Variants in RRAGD observed in about 807,000 individuals in gnomAD.
RRAGD encodes ras-related GTP-binding protein D.
A neutral mutation model predicts 35.5 loss-of-function variants in RRAGD; 12 were observed. The observed-to-expected ratio is 0.34, with a 90% CI of 0.22 to 0.55. The LOEUF (loss-of-function observed/expected upper bound fraction) is 0.55, where lower values mean the gene tolerates loss of function less well. Ranked by LOEUF, RRAGD falls within the 20% of genes least tolerant of loss-of-function variation. The pLI is 0.91. For missense variants in RRAGD, 324 were observed against 490.1 expected (o/e 0.66, Z 3.20); for synonymous variants, 155 against 178.9 (o/e 0.87, Z 1.07).
chr6:89,376,290 A>G (rs6454754), intron 5 of RRAGD, among the ~76,000 whole-genome samples: 99,611 of 148,318 alleles, frequency 0.67, 34,056 homozygotes, highest in African/African-American at 0.86. Flanking sequence ...ATCACTTTCC[A>G]TGTGTGTGTG....
intron 1 of RRAGD, among the ~76,000 whole-genome samples, chr6:89,388,169 TCTCAGGCCCACCCTGG>T (rs1412254554): frequency 6.6e-6 from 1 of 152,198 alleles, no homozygotes; most frequent in East Asian, 1.9e-4. Flanking sequence ...GGCAGACATC[TCTCAGGCCCACCCTGG>T]CTCAGGGCCC....
chr6:89,368,267 T>G (rs1582500571), intron 6 of RRAGD, 60 bp from the exon 7 acceptor site: 2 of 1,521,384 alleles, frequency 1.3e-6, no homozygotes, highest in East Asian at 2.3e-5. Flanking sequence ...CATCTTTTCA[T>G]GGGACCCATG....
chr6:89,383,685 T>G (rs1769087274), intron 2 of RRAGD, among the ~76,000 whole-genome samples: 1 of 152,214 alleles, frequency 6.6e-6, no homozygotes. Context: ...CCACTCTTGC[T>G]TTCATTCTTT....
At position 89,387,532 on chromosome 6, in the gene RRAGD, G is replaced by T. The variant is rs371518383; in HGVS notation, c.207C>A (p.Gly69=). 24 of 1,614,132 alleles carry T rather than the reference G, an allele frequency of 1.5e-5. No individual in the cohort carries two copies. The Middle Eastern group carries it at 1.3e-3, about 89-fold the overall frequency. ...TEVKPRILLM[G]LRRSGKSSIQ... is the part of the protein sequence containing the mutation. ...TAGACGACTTGCCGCTTCTCCTCAG[G>T]CCCATGAGCAGGATTCTCGGCTTCA... The change falls in exon 2 of 7, where the codon GGC becomes GGA. Residue 69 remains glycine (G), a synonymous_variant. Transcript: ENST00000369415.
At position 89,379,339 on chromosome 6, in the gene RRAGD, C is replaced by A; in HGVS notation, c.645-1G>T. 6.7e-7 allele frequency: 1 copy of A among 1,482,570 alleles called. No homozygotes were observed. Among genetic ancestry groups the A allele is most frequent in the Non-Finnish European group, 9.3e-7 (1 of 1,069,668 alleles). The allele number at this position is 1,482,570 out of a possible 1,614,324, so 91.8% of individuals were successfully genotyped here. ...ATCATATATGCTTGTCAGATAAAAG[C>A]TGAAAGAGGAAACGGTATTTCATCA... On this transcript the variant is annotated splice_acceptor_variant, in intron 3 of 6. Coordinates refer to ENST00000369415, the MANE Select transcript of RRAGD (RefSeq NM_021244.5). LOFTEE classifies it high-confidence loss of function.
chr6:89,403,877 T>TG (rs1024904089), intron 1 of RRAGD, among the ~76,000 whole-genome samples: 1 of 152,058 alleles, frequency 6.6e-6, no homozygotes, highest in African/African-American at 2.4e-5. Flanking sequence ...AGGCTGGTCT[T>TG]GAACACCTGG....
intron 2 of RRAGD, among the ~76,000 whole-genome samples, chr6:89,386,943 T>C (rs1769146370): frequency 6.6e-6 from 1 of 152,236 alleles, no homozygotes; most frequent in Non-Finnish European, 1.5e-5. Context: ...ATAAACAGTT[T>C]AAAATGTAAA....
At position 89,411,820 on chromosome 6, in the gene RRAGD, C is replaced by G. The variant is rs1046857902; in HGVS notation, c.148+26G>C. On this transcript the variant is annotated intron_variant, in intron 1 of 6. Coordinates refer to ENST00000369415, the MANE Select transcript of RRAGD (RefSeq NM_021244.5). The surrounding 1 kb of genome is among the most constrained non-coding windows in gnomAD (Gnocchi z 5.6). ...CCAAGGGGAGGAAAGGGGCGCGAGC[C>G]GAGGACGCGGGGGCCGGGCGCTCAC... 5.8e-6 allele frequency: 9 copies of G among 1,540,822 alleles called. No individual in the cohort carries two copies. The highest frequency in any genetic ancestry group is 7.8e-6 in the Non-Finnish European group (9 of 1,147,818).
chr6:89,384,077 TG>T (rs1198942661), intron 2 of RRAGD, among the ~76,000 whole-genome samples: 1 of 149,930 alleles, frequency 6.7e-6, no homozygotes, highest in African/African-American at 2.5e-5. Flanking sequence ...CACTCCAGCC[TG>T]GTGACAGAGT....
intron 5 of RRAGD, among the ~76,000 whole-genome samples, chr6:89,373,721 A>C (rs1768890710): frequency 6.6e-6 from 1 of 152,144 alleles, no homozygotes; most frequent in Non-Finnish European, 1.5e-5. Context: ...TTTGCTAGCT[A>C]TGTGAGCTTG....
chr6:89,396,475 G>GA (rs1418676517), intron 1 of RRAGD, among the ~76,000 whole-genome samples: 1 of 151,952 alleles, frequency 6.6e-6, no homozygotes, highest in Non-Finnish European at 1.5e-5. Context: ...GCCCAGGCTG[G>GA]AGTGCAGTGG....
chr6:89,408,057 G>A (rs1769618686), intron 1 of RRAGD, among the ~76,000 whole-genome samples: 1 of 152,140 alleles, frequency 6.6e-6, no homozygotes, highest in South Asian at 2.1e-4. Flanking sequence ...AACCTATTAT[G>A]TAGTTTCATC....
chr6:89,397,345 C>A (rs1345046578), intron 1 of RRAGD, among the ~76,000 whole-genome samples: 1 of 152,172 alleles, frequency 6.6e-6, no homozygotes, highest in Non-Finnish European at 1.5e-5. Context: ...GTTGAACATA[C>A]ACACCTGTCA....
chr6:89,405,065 T>C (rs1769550051), intron 1 of RRAGD, among the ~76,000 whole-genome samples: 1 of 152,068 alleles, frequency 6.6e-6, no homozygotes, highest in African/African-American at 2.4e-5. Flanking sequence ...TAAGATAACA[T>C]AGTGGCCAGG....
chr6:89,386,055 C>T (rs1562453653), intron 2 of RRAGD, among the ~76,000 whole-genome samples: 1 of 152,186 alleles, frequency 6.6e-6, no homozygotes, highest in Admixed American at 6.5e-5. Context: ...AGCTGGCCAA[C>T]CTGTCTCACT....
In RRAGD at chr6:89,379,225, G is replaced by A. The variant is rs1269852142; in HGVS notation, c.758C>T (p.Ser253Leu). The A allele has an allele frequency of 2.0e-6, 3 of 1,505,188 alleles. No individual in the cohort carries two copies. The highest frequency in any genetic ancestry group is 1.2e-5 in the South Asian group (1 of 85,926). The allele number at this position is 1,505,188 out of a possible 1,614,324, so 93.2% of individuals were successfully genotyped here. ...CAAACAGGAATATTATTTACTTACT[G>A]AGATAAAGATGTTCAGCAAATTCTC... ...TLENLLNIFI[S>L]NSGIEKAFLF... The change falls in exon 4 of 7, where the codon TCA becomes TTA. Residue 253 changes from serine to leucine, a missense_variant and splice_region_variant. Around this residue, in one of 5 missense-constraint regions of RRAGD, gnomAD observed 152 missense variants for 296.9 expected, o/e 0.51. Transcript: ENST00000369415.
intron 5 of RRAGD, 24 bp from the exon 6 acceptor site, chr6:89,372,609 C>T (rs374025083): frequency 1.3e-4 from 189 of 1,504,578 alleles, no homozygotes; most frequent in Admixed American, 1.2e-3. Flanking sequence ...GAAACCAAAA[C>T]ATGTGACCAT....
intron 4 of RRAGD, among the ~76,000 whole-genome samples, chr6:89,379,013 C>G (rs958412655): frequency 6.6e-6 from 1 of 152,248 alleles, no homozygotes; most frequent in Non-Finnish European, 1.5e-5. Context: ...ATCGTAACGC[C>G]TCAACCTCCC....
chr6:89,412,145 G>T lies in RRAGD; in HGVS notation c.-152C>A. The T allele has an allele frequency of 1.4e-6, 1 of 696,018 alleles. No individual in the cohort carries two copies. The highest frequency in any genetic ancestry group is 2.0e-6 in the Non-Finnish European group (1 of 498,204). 43.1% of individuals were successfully genotyped at this position (696,018 alleles called of 1,614,324 possible). A position where few individuals can be genotyped will look rare whatever the true frequency, so the allele number is the denominator to read the frequency against. On this transcript the variant is annotated 5_prime_UTR_variant, in exon 1 of 7. Transcript: ENST00000369415. The surrounding 1 kb of genome is among the most constrained non-coding windows in gnomAD (Gnocchi z 4.2). Reference sequence around the variant, plus strand: ...AAGCGGGGGCCGCGCGTCCCCCGGCGGGCGGCGCCCAGGTCCGGGTCCCGC... The same window carrying T: ...AAGCGGGGGCCGCGCGTCCCCCGGCTGGCGGCGCCCAGGTCCGGGTCCCGC...
Sources: gnomAD v4.1 joint callset for allele counts (sites outside exome capture counted in the v4.1 genomes callset) on GRCh38, gnomAD v4.1.1 for gene constraint, gnomAD v4.1.1 regional missense constraint, Gnocchi (gnomAD v3.1) non-coding constraint, MANE v1.5 for transcripts, NCBI Gene and HGNC (gene_info 2026-07-23, HGNC 2026-07-21) for gene names.